ANO3: variants seen among roughly 807,000 people sequenced by gnomAD.
ANO3 encodes anoctamin-3.
ANO3 carries 99 observed loss-of-function variants against 144.8 expected under a neutral mutation model. That is an observed-to-expected ratio of 0.68 (90% confidence interval 0.58 to 0.81). The LOEUF is 0.81. Ranked by LOEUF, ANO3 falls within the 30% of genes least tolerant of loss-of-function variation. The pLI is 0.00. For missense variants in ANO3, 905 were observed against 1,202.2 expected (o/e 0.75, Z 3.66); for synonymous variants, 414 against 392.6 (o/e 1.05, Z -0.64).
At chr11:26,279,603 T>C (rs1294205486) in intron 1 of ANO3, among the ~76,000 whole-genome samples, 1 of 152,190 alleles carries the variant, frequency 6.6e-6, no homozygotes, top group Non-Finnish European at 1.5e-5. Context: ...ATCACTTGTC[T>C]TTTTGCACAT....
chr11:26,322,683 A>G (rs1426448718), intron 1 of ANO3, among the ~76,000 whole-genome samples: 2 of 152,132 alleles, frequency 1.3e-5, no homozygotes, highest in Non-Finnish European at 2.9e-5. Flanking sequence ...GGTACATATG[A>G]TCAATTAGAT....
chr11:26,443,958 A>G (rs1858618555), intron 3 of ANO3, 122 bp downstream of exon 3: 5 of 558,244 alleles, frequency 9.0e-6, no homozygotes, highest in South Asian at 3.0e-5. Context: ...TTAACGTAAT[A>G]GGTGAGTATA....
At chr11:26,388,909 AT>A (rs1188889757) in intron 1 of ANO3, among the ~76,000 whole-genome samples, 2 of 152,100 alleles carry the variant, frequency 1.3e-5, no homozygotes, top group African/African-American at 4.8e-5. Context: ...TCTTTGTTAG[AT>A]TTTTCAAGTA....
chr11:26,606,571 A>T (rs1325696252), intron 17 of ANO3, among the ~76,000 whole-genome samples: 2 of 150,514 alleles, frequency 1.3e-5, no homozygotes, highest in Non-Finnish European at 3.0e-5. Flanking sequence ...AGTCTGTTTT[A>T]TCGGAGACTA....
intron 4 of ANO3, among the ~76,000 whole-genome samples, chr11:26,466,605 G>T (rs542749810): frequency 6.6e-6 from 1 of 151,936 alleles, no homozygotes; most frequent in Non-Finnish European, 1.5e-5. Flanking sequence ...GGGACCAGAG[G>T]CTCATAAGCA....
intron 3 of ANO3, among the ~76,000 whole-genome samples, chr11:26,452,645 G>T (rs1309092699): frequency 1.3e-5 from 2 of 152,184 alleles, no homozygotes; most frequent in Non-Finnish European, 2.9e-5. Flanking sequence ...AACCAAGTTG[G>T]AAAACACTCT....
At chr11:26,607,150 C>G (rs1161108894) in intron 17 of ANO3, among the ~76,000 whole-genome samples, 2 of 152,058 alleles carry the variant, frequency 1.3e-5, no homozygotes, top group Non-Finnish European at 2.9e-5. Flanking sequence ...GCTGAGAGGT[C>G]CACTCATAGT....
intron 1 of ANO3, among the ~76,000 whole-genome samples, chr11:26,333,572 G>A (rs1855117149): frequency 6.6e-6 from 1 of 152,118 alleles, no homozygotes; most frequent in Non-Finnish European, 1.5e-5. Context: ...GTGAGCCACT[G>A]TACCCGGCCC....
intron 1 of ANO3, among the ~76,000 whole-genome samples, chr11:26,432,499 T>C (rs1858146112): frequency 6.6e-6 from 1 of 152,222 alleles, no homozygotes; most frequent in African/African-American, 2.4e-5. Flanking sequence ...ATAATGGTAT[T>C]GGCTAGGTCG....
intron 4 of ANO3, among the ~76,000 whole-genome samples, chr11:26,465,272 T>TTAGATAGATAGA (rs60663776): frequency 0.028 from 4,139 of 146,388 alleles, 85 homozygotes; most frequent in East Asian, 0.038. Context: ...ATGAACCTAT[T>TTAGATAGATAGA]TAGATAGATA....
rs118098654 is a variant in ANO3, at chr11:26,554,553, A to G, written c.1386+1208A>G. Reference sequence around the variant, plus strand: ...TATCTTTTACATACCCACCCATGGTATATGAGAATTCCAGTTTTCTGTGTA... The same window carrying G: ...TATCTTTTACATACCCACCCATGGTGTATGAGAATTCCAGTTTTCTGTGTA... On this transcript the variant is annotated intron_variant, in intron 13 of 26. Transcript: ENST00000256737. Among the ~76,000 whole-genome samples, 128 of 152,224 alleles carry G rather than the reference A, an allele frequency of 8.4e-4. 1 individual carries two copies. The highest frequency in any genetic ancestry group is 3.0e-3 in the Admixed American group (46 of 15,282).
chr11:26,470,856 T>G (rs561217545), intron 4 of ANO3, among the ~76,000 whole-genome samples: 1 of 152,088 alleles, frequency 6.6e-6, no homozygotes, highest in East Asian at 1.9e-4. Flanking sequence ...CTCATACAGC[T>G]AATAAATGAC....
chr11:26,226,847 A>T (rs1215699700), intron 1 of ANO3, among the ~76,000 whole-genome samples: 1 of 152,148 alleles, frequency 6.6e-6, no homozygotes, highest in Admixed American at 6.5e-5. Flanking sequence ...CACTGAATAC[A>T]TTCACATTGT....
At chr11:26,241,276 CA>C (rs1281733584) in intron 1 of ANO3, among the ~76,000 whole-genome samples, 6 of 152,124 alleles carry the variant, frequency 3.9e-5, no homozygotes, top group African/African-American at 1.4e-4. Context: ...TCTTTATCAG[CA>C]GCATGAAAAT....
At chr11:26,276,080 T>G (rs1319970233) in intron 1 of ANO3, among the ~76,000 whole-genome samples, 1 of 152,166 alleles carries the variant, frequency 6.6e-6, no homozygotes, top group African/African-American at 2.4e-5. Flanking sequence ...CTTGCTTGCT[T>G]GATGAAAGTA....
At chr11:26,595,395 T>G (rs959246140) in intron 14 of ANO3, among the ~76,000 whole-genome samples, 1 of 151,396 alleles carries the variant, frequency 6.6e-6, no homozygotes, top group Non-Finnish European at 1.5e-5. Context: ...TAAACAACAG[T>G]TCTTATGCGA....
At chr11:26,247,811 A>T (rs1852832525) in intron 1 of ANO3, among the ~76,000 whole-genome samples, 1 of 141,704 alleles carries the variant, frequency 7.1e-6, no homozygotes, top group Non-Finnish European at 1.5e-5. Context: ...TCACTGCAAC[A>T]TCTGCCTCCC....
chr11:26,475,580 C>A (rs1859933184), intron 4 of ANO3, among the ~76,000 whole-genome samples: 1 of 151,916 alleles, frequency 6.6e-6, no homozygotes, highest in Non-Finnish European at 1.5e-5. Flanking sequence ...CATACTTACA[C>A]CTAATTTTAG....
At chr11:26,387,333 C>A (rs1008344771) in intron 1 of ANO3, among the ~76,000 whole-genome samples, 2 of 151,644 alleles carry the variant, frequency 1.3e-5, no homozygotes, top group Non-Finnish European at 2.9e-5. Flanking sequence ...AATTCCATGT[C>A]CTTTAATTTT....
Sources: gnomAD v4.1 joint callset for allele counts (sites outside exome capture counted in the v4.1 genomes callset) on GRCh38, gnomAD v4.1.1 for gene constraint, MANE v1.5 for transcripts, NCBI Gene and HGNC (gene_info 2026-07-23, HGNC 2026-07-21) for gene names.